The following SAMMSON variants were observed in gnomAD, a reference collection of about 807,000 sequenced individuals.
SAMMSON encodes the protein survival associated mitochondrial melanoma specific oncogenic non-coding RNA, also known as long intergenic non-protein coding RNA 1212.
chr3:70,323,443 A>C (rs1702551990), intron 7 of SAMMSON, among the ~76,000 whole-genome samples: 1 of 152,140 alleles, frequency 6.6e-6, no homozygotes, highest in Non-Finnish European at 1.5e-5. Context: ...CCTCTTTGCA[A>C]ACCTTACCTA....
At chr3:70,404,169 A>C (rs569589399) in intron 2 of SAMMSON, among the ~76,000 whole-genome samples, 18 of 152,036 alleles carry the variant, frequency 1.2e-4, no homozygotes, top group Admixed American at 8.5e-4. Context: ...GATATTATGT[A>C]GTTTCTTATG....
chr3:70,168,385 G>T (rs563537837), intron 4 of SAMMSON, among the ~76,000 whole-genome samples: 1 of 151,924 alleles, frequency 6.6e-6, no homozygotes, highest in Non-Finnish European at 1.5e-5. Context: ...CAGTAGTGGC[G>T]CCTTTTAAGG....
intron 3 of SAMMSON, among the ~76,000 whole-genome samples, chr3:70,039,599 A>T (rs1465769088): frequency 3.7e-5 from 1 of 27,136 alleles, no homozygotes; most frequent in African/African-American, 1.0e-4. Context: ...CTCTTCACAC[A>T]CACACACACA....
intron 7 of SAMMSON, among the ~76,000 whole-genome samples, chr3:70,298,847 CTGT>C (rs934195743): frequency 6.6e-6 from 1 of 152,124 alleles, no homozygotes; most frequent in African/African-American, 2.4e-5. Flanking sequence ...GGACCTGGTC[CTGT>C]TGTTTACTAC....
chr3:70,344,559 A>C (rs1459617315), intron 7 of SAMMSON, among the ~76,000 whole-genome samples: 1 of 152,218 alleles, frequency 6.6e-6, no homozygotes, highest in Non-Finnish European at 1.5e-5. Flanking sequence ...TGAAGAGGGC[A>C]CTGAGCTGGT....
chr3:70,418,966 T>TTTCCTTTCCTTTCCC (rs761257636), intron 2 of SAMMSON, among the ~76,000 whole-genome samples: 1 of 52,984 alleles, frequency 1.9e-5, no homozygotes, highest in Non-Finnish European at 5.5e-5. Flanking sequence ...TTTCCTTTCC[T>TTTCCTTTCCTTTCCC]TTCCTTCCTT....
At chr3:70,010,828 C>A (rs1454763989) in intron 1 of SAMMSON, among the ~76,000 whole-genome samples, 1 of 152,132 alleles carries the variant, frequency 6.6e-6, no homozygotes, top group Non-Finnish European at 1.5e-5. Context: ...GCACCTTCTT[C>A]ACAGGGCTTT....
intron 6 of SAMMSON, among the ~76,000 whole-genome samples, chr3:70,284,664 A>G (rs879369840): frequency 2.0e-5 from 3 of 152,198 alleles, no homozygotes; most frequent in African/African-American, 4.8e-5. Context: ...TAAACACTGC[A>G]TGTTCTCACT....
chr3:70,174,485 C>A (rs1168270579), intron 4 of SAMMSON, among the ~76,000 whole-genome samples: 1 of 151,862 alleles, frequency 6.6e-6, no homozygotes, highest in Non-Finnish European at 1.5e-5. Context: ...CTAAGCAAGG[C>A]ATAACGTAGA....
chr3:70,097,979 G>A (rs1220387033), intron 4 of SAMMSON, among the ~76,000 whole-genome samples: 2 of 152,188 alleles, frequency 1.3e-5, no homozygotes, highest in Admixed American at 1.3e-4. Context: ...ATAATAAATA[G>A]GGAGCAAGGG....
chr3:70,276,444 C>A (rs1397557821), intron 6 of SAMMSON, among the ~76,000 whole-genome samples: 1 of 152,054 alleles, frequency 6.6e-6, no homozygotes, highest in African/African-American at 2.4e-5. Context: ...TTTGCATATG[C>A]CTCTCATTAT....
chr3:70,336,858 G>GTGTGTGTGT (rs1491478364), intron 7 of SAMMSON, among the ~76,000 whole-genome samples: 3 of 135,764 alleles, frequency 2.2e-5, no homozygotes, highest in Non-Finnish European at 3.2e-5. Flanking sequence ...GTGTGTGTGT[G>GTGTGTGTGT]GAGAGAGAGA....
intron 4 of SAMMSON, among the ~76,000 whole-genome samples, chr3:70,133,967 G>T (rs937462921): frequency 6.6e-6 from 1 of 152,002 alleles, no homozygotes; most frequent in African/African-American, 2.4e-5. Flanking sequence ...AAATGGGCCA[G>T]GTGCGGTGGC....
intron 4 of SAMMSON, among the ~76,000 whole-genome samples, chr3:70,139,276 A>T (rs531940439): frequency 6.6e-6 from 1 of 152,262 alleles, no homozygotes; most frequent in Admixed American, 6.5e-5. Context: ...GCCTCAAGTT[A>T]TCCTCCCACC....
chr3:70,080,017 G>A (rs1010578125), intron 4 of SAMMSON, among the ~76,000 whole-genome samples: 1 of 152,188 alleles, frequency 6.6e-6, no homozygotes, highest in South Asian at 2.1e-4. Flanking sequence ...TCTTGCCATG[G>A]TTTAGACCAT....
At chr3:70,227,019 A>C (rs1403379947) in intron 4 of SAMMSON, among the ~76,000 whole-genome samples, 1 of 152,164 alleles carries the variant, frequency 6.6e-6, no homozygotes, top group Non-Finnish European at 1.5e-5. Flanking sequence ...GAAAAAATAC[A>C]TGCATCTTTT....
intron 4 of SAMMSON, chr3:70,127,092 T>C (rs1030187012): frequency 6.6e-6 from 1 of 152,344 alleles, no homozygotes; most frequent in Non-Finnish European, 1.5e-5. Context: ...ATTATACTTA[T>C]GTGAACGAAT....
At chr3:70,344,914 T>C (rs888570622) in intron 7 of SAMMSON, among the ~76,000 whole-genome samples, 17 of 152,196 alleles carry the variant, frequency 1.1e-4, no homozygotes, top group Non-Finnish European at 2.4e-4. Flanking sequence ...TGCTTCCTTT[T>C]ATTAGTGAAT....
At chr3:70,393,888 T>G (rs1701070270), downstream of SAMMSON, among the ~76,000 whole-genome samples, 1 of 152,164 alleles carries the variant, frequency 6.6e-6, no homozygotes, top group African/African-American at 2.4e-5. Flanking sequence ...AAGGATCATT[T>G]ATGCATTTTA....
Sources: gnomAD v4.1 joint callset for allele counts (sites outside exome capture counted in the v4.1 genomes callset) on GRCh38, gnomAD v4.1.1 for gene constraint, MANE v1.5 for transcripts, NCBI Gene and HGNC (gene_info 2026-07-23, HGNC 2026-07-21) for gene names.